GPC5: variants seen among roughly 807,000 people sequenced by gnomAD.
The protein encoded by GPC5 is glypican 5.
GPC5 carries 47 observed loss-of-function variants against 53.9 expected under a neutral mutation model. The ratio of observed to expected loss-of-function variants is 0.87; its 90% CI spans 0.69 to 1.11. The LOEUF (loss-of-function observed/expected upper bound fraction) is 1.11, where lower values mean the gene tolerates loss of function less well. Ranked by LOEUF, GPC5 falls within the 50% of genes most tolerant of loss-of-function variation. The pLI is 0.00. For missense variants in GPC5, 748 were observed against 713.1 expected, an observed-to-expected ratio of 1.05 and a Z score of -0.56; for synonymous variants, 286 against 263.3, an observed-to-expected ratio of 1.09 and a Z score of -0.84.
chr13:91,481,601 TTGCAACTTACTCA>T (rs1319872915), intron 2 of GPC5, among the ~76,000 whole-genome samples: 1 of 152,202 alleles, frequency 6.6e-6, no homozygotes, highest in Non-Finnish European at 1.5e-5. Context: ...GAACAACCTC[TTGCAACTTACTCA>T]TGCCTTTGTG....
chr13:92,371,562 T>C lies in GPC5; in HGVS notation c.1561+226573T>C, dbSNP rs149551301. ...GGAACGAGGTTTAATTGACTCACAG[T>C]TTTGCATAGCTGGGAAGGACTCAGG... On this transcript the variant is annotated intron_variant, in intron 7 of 7. Transcript: ENST00000377067. Among the ~76,000 whole-genome samples, 338 of 152,178 alleles carry C rather than the reference T, an allele frequency of 2.2e-3. 1 individual carries two copies. The highest frequency in any genetic ancestry group is 3.7e-3 in the Non-Finnish European group (250 of 68,008).
chr13:92,298,958 C>G (rs1196728229), intron 7 of GPC5, among the ~76,000 whole-genome samples: 1 of 152,078 alleles, frequency 6.6e-6, no homozygotes, highest in East Asian at 1.9e-4. Context: ...CTGATGAAAA[C>G]AAATTTTAGC....
chr13:92,651,819 A>G (rs968980668), intron 7 of GPC5, among the ~76,000 whole-genome samples: 3 of 145,660 alleles, frequency 2.1e-5, no homozygotes, highest in Admixed American at 1.5e-4. Context: ...AAAGCTTATT[A>G]AAAAGAAATT....
intron 7 of GPC5, among the ~76,000 whole-genome samples, chr13:92,816,829 C>T (rs563284698): frequency 8.5e-5 from 13 of 152,112 alleles, no homozygotes; most frequent in Admixed American, 3.3e-4. Flanking sequence ...ACTCTGCCAA[C>T]ATGTGCCTTG....
At chr13:91,700,755 C>A (rs913886626) in intron 3 of GPC5, among the ~76,000 whole-genome samples, 7 of 152,206 alleles carry the variant, frequency 4.6e-5, no homozygotes, top group Non-Finnish European at 1.0e-4. Flanking sequence ...AGAACCCTTA[C>A]ATTCTTCCTC....
Position 92,861,137 on chromosome 13 carries a change from C to G in GPC5, c.1562-5145C>G, listed in dbSNP as rs140666524. 2.4e-3 allele frequency among the ~76,000 whole-genome samples: 371 copies of G among 152,080 alleles called. 1 individual carries two copies. The highest frequency in any genetic ancestry group is 8.6e-3 in the African/African-American group (359 of 41,526). On this transcript the variant is annotated intron_variant, in intron 7 of 7. Coordinates refer to ENST00000377067, the MANE Select transcript of GPC5 (RefSeq NM_004466.6). ...TTTCTGTATTAATAAATATTTACTC[C>G]TTAAAGAGTTTTAAATAAATGAATG...
At chr13:92,554,185 A>G (rs1315820832) in intron 7 of GPC5, among the ~76,000 whole-genome samples, 1 of 151,932 alleles carries the variant, frequency 6.6e-6, no homozygotes, top group African/African-American at 2.4e-5. Context: ...CATTTCAAAT[A>G]GTTTACAGAT....
chr13:92,112,560 G>C (rs188594489), intron 6 of GPC5, among the ~76,000 whole-genome samples: 11 of 152,240 alleles, frequency 7.2e-5, no homozygotes, highest in African/African-American at 2.4e-4. Flanking sequence ...GGTGAGCTTA[G>C]AGAAAGAAAT....
At chr13:92,205,010 C>G (rs1256216042) in intron 7 of GPC5, among the ~76,000 whole-genome samples, 1 of 152,032 alleles carries the variant, frequency 6.6e-6, no homozygotes, top group Non-Finnish European at 1.5e-5. Context: ...TCTCCAGTAG[C>G]TGGGACTACA....
rs191637441 is a variant in GPC5 at position 91,495,991 on chromosome 13, T to C, written c.325+47069T>C. Among the ~76,000 whole-genome samples, 356 of 151,834 alleles carry C rather than the reference T, an allele frequency of 2.3e-3. 1 individual carries two copies. Among genetic ancestry groups the C allele is most frequent in the African/African-American group, 7.7e-3 (317 of 41,346 alleles). ...TGAGCCGAGATAGCACCACTGCACT[T>C]CAGCCTGGGTGACAGAGAGAGACTC... On this transcript the variant is annotated intron_variant, in intron 2 of 7. Transcript: ENST00000377067.
At chr13:91,900,816 C>T (rs887566896) in intron 5 of GPC5, among the ~76,000 whole-genome samples, 23 of 152,118 alleles carry the variant, frequency 1.5e-4, no homozygotes, top group African/African-American at 4.8e-4. Flanking sequence ...ACTGATTTTA[C>T]GTGTGCAGTC....
At chr13:92,457,249 A>C (rs929940977) in intron 7 of GPC5, among the ~76,000 whole-genome samples, 1 of 152,136 alleles carries the variant, frequency 6.6e-6, no homozygotes, top group Non-Finnish European at 1.5e-5. Flanking sequence ...TCCACCACTG[A>C]CAGGCACCTA....
In GPC5 at chr13:92,777,604, C is replaced by T. The variant is rs373875037; in HGVS notation, c.1562-88678C>T. 8.8e-4 allele frequency among the ~76,000 whole-genome samples: 133 copies of T among 151,942 alleles called. 1 individual carries two copies. The South Asian group carries it at 0.021, about 24-fold the overall frequency. Reference sequence around the variant, plus strand: ...ACTGCACTCCAGCCTGGCAATAGAGCGAGACTCCGTCTCAAAACAAAACAA... The same window carrying T: ...ACTGCACTCCAGCCTGGCAATAGAGTGAGACTCCGTCTCAAAACAAAACAA... On this transcript the variant is annotated intron_variant, in intron 7 of 7. Coordinates refer to ENST00000377067, the MANE Select transcript of GPC5 (RefSeq NM_004466.6).
Position 91,687,207 on chromosome 13 carries a change from G to A in GPC5, c.326-5980G>A, listed in dbSNP as rs1367028017. Among the ~76,000 whole-genome samples the A allele has an allele frequency of 5.3e-5, 8 of 151,678 alleles. No homozygotes were observed. The South Asian group carries it at 6.2e-4, about 12-fold the overall frequency. ...ACTAATAAAAGCCTTGTGACTCTTC[G>A]GTTTCTCTCATTACAAAAAGCCACC... On this transcript the variant is annotated intron_variant, in intron 2 of 7. Coordinates refer to ENST00000377067, the MANE Select transcript of GPC5 (RefSeq NM_004466.6).
chr13:92,258,408 G>A (rs189361560), intron 7 of GPC5, among the ~76,000 whole-genome samples: 1 of 152,252 alleles, frequency 6.6e-6, no homozygotes, highest in Admixed American at 6.5e-5. Context: ...ACTATTTAAT[G>A]TAGCCTTTGT....
At chr13:92,119,639 C>A (rs2041632229) in intron 6 of GPC5, among the ~76,000 whole-genome samples, 1 of 131,480 alleles carries the variant, frequency 7.6e-6, no homozygotes, top group South Asian at 2.4e-4. Context: ...CCAGGATGGT[C>A]TCGATCTCCT....
rs145436207 is a variant in GPC5, at chr13:91,399,199, G to A, written c.153G>A (p.Ser51=). 576 of 1,611,762 alleles carry A rather than the reference G, an allele frequency of 3.6e-4. 2 individuals carry two copies. The African/African-American group carries it at 7.1e-3, about 20-fold the overall frequency. The change falls in exon 1 of 8, where the codon TCG becomes TCA. Residue 51 remains serine (S), a synonymous_variant. Coordinates refer to ENST00000377067, the MANE Select transcript of GPC5 (RefSeq NM_004466.6). ...GAGCTGTCAGGGGGCTGCCGGATTCGCCGCGGGCAGGTAAGGGGCAATGAG... is the reference window on the plus strand; with the variant it reads ...GAGCTGTCAGGGGGCTGCCGGATTCACCGCGGGCAGGTAAGGGGCAATGAG... ...LLGAVRGLPD[S]PRAGPDLQVC...
At position 92,435,150 on chromosome 13, in the gene GPC5, G is replaced by C. The variant is rs1594200149; in HGVS notation, c.1561+290161G>C. ...AGTTGGTCCTGAACTCCTGACCTCA[G>C]GTAATCTGCCCACCTTGGCGTCCCA... is the stretch of plus-strand genomic sequence containing the variant. On this transcript the variant is annotated intron_variant, in intron 7 of 7. Transcript: ENST00000377067. Among the ~76,000 whole-genome samples, 3 of 152,220 alleles carry C rather than the reference G, an allele frequency of 2.0e-5. No individual in the cohort carries two copies. The South Asian group carries it at 6.2e-4, about 32-fold the overall frequency.
At chr13:92,829,463 T>C (rs997325783) in intron 7 of GPC5, among the ~76,000 whole-genome samples, 1 of 152,186 alleles carries the variant, frequency 6.6e-6, no homozygotes, top group African/African-American at 2.4e-5. Flanking sequence ...AATGTAGTCA[T>C]GGAGTTAAAT....
Sources: allele counts gnomAD v4.1 joint callset (sites outside exome capture counted in the v4.1 genomes callset), GRCh38; gene constraint gnomAD v4.1.1; transcripts MANE v1.5; gene names NCBI Gene and HGNC (gene_info 2026-07-23, HGNC 2026-07-21).